OR2AJ1: variants seen among roughly 807,000 people sequenced by gnomAD.
The protein encoded by OR2AJ1 is olfactory receptor 2AJ1.
For missense variants in OR2AJ1, 280 were observed against 163.2 expected (o/e 1.72, Z -3.90); for synonymous variants, 105 against 60.3 (o/e 1.74, Z -3.44).
At chr1:247,927,066 A>G (rs1312358705) in intron 1 of OR2AJ1, among the ~76,000 whole-genome samples, 1 of 152,192 alleles carries the variant, frequency 6.6e-6, no homozygotes, top group Non-Finnish European at 1.5e-5. Context: ...ACAGAGAAAT[A>G]TTTGATCAGC....
chr1:247,926,203 G>T (rs1660089592), intron 1 of OR2AJ1, among the ~76,000 whole-genome samples: 1 of 151,874 alleles, frequency 6.6e-6, no homozygotes, highest in Non-Finnish European at 1.5e-5. Flanking sequence ...TTTTAGTTTT[G>T]ATTTAAATAT....
intron 1 of OR2AJ1, among the ~76,000 whole-genome samples, chr1:247,925,390 G>T (rs1660079456): frequency 6.6e-6 from 1 of 152,160 alleles, no homozygotes; most frequent in South Asian, 2.1e-4. Context: ...TCCTCTTTAA[G>T]AGAACAGGAA....
intron 1 of OR2AJ1, among the ~76,000 whole-genome samples, chr1:247,928,037 C>T (rs941113223): frequency 6.6e-6 from 1 of 152,096 alleles, no homozygotes; most frequent in African/African-American, 2.4e-5. Flanking sequence ...TGGATATATG[C>T]CCAGTAGTTG....
chr1:247,928,542 T>A (rs1660116653), intron 1 of OR2AJ1, among the ~76,000 whole-genome samples: 1 of 152,164 alleles, frequency 6.6e-6, no homozygotes, highest in Admixed American at 6.5e-5. Flanking sequence ...TCTTGTTGCC[T>A]GTGCCCTTGA....
chr1:247,933,648 G>T, intron 1 of OR2AJ1, 99 bp from the exon 2 acceptor site: 1 of 489,240 alleles, frequency 2.0e-6, no homozygotes, highest in Non-Finnish European at 3.6e-6. Flanking sequence ...TACAAAACAT[G>T]CATCACTAAC....
chr1:247,931,864 A>G (rs2103006428), intron 1 of OR2AJ1, among the ~76,000 whole-genome samples: 1 of 152,352 alleles, frequency 6.6e-6, no homozygotes, highest in African/African-American at 2.4e-5. Context: ...GAAGAATGAT[A>G]TAACTCCAGG....
At position 247,933,864 on chromosome 1, in the gene OR2AJ1, T is replaced by C. The variant is rs1660181131; in HGVS notation, c.96T>C (p.Phe32=). The C allele has an allele frequency of 1.4e-6, 1 of 692,194 alleles. No homozygotes were observed. Among genetic ancestry groups the C allele is most frequent in the Non-Finnish European group, 2.7e-6 (1 of 370,730 alleles). 42.9% of individuals were successfully genotyped at this position (692,194 alleles called of 1,614,324 possible). A position where few individuals can be genotyped will look rare whatever the true frequency, so the allele number is the denominator to read the frequency against. Residue 32 remains phenylalanine (F), a synonymous_variant, in exon 2 of 2, where the codon TTT becomes TTC. Coordinates refer to ENST00000318244, the MANE Select transcript of OR2AJ1 (RefSeq NM_001355235.2). ...GTGTGGTCTTCTTCTTAGTTTTATT[T>C]GTCATTTTCATTATGAGTGTAACAG... ...PTSVVFFLVL[F]VIFIMSVTEN... is the part of the protein sequence containing the mutation.
intron 1 of OR2AJ1, among the ~76,000 whole-genome samples, chr1:247,925,869 C>G (rs114566892): frequency 6.6e-6 from 1 of 152,136 alleles, no homozygotes; most frequent in Admixed American, 6.5e-5. Flanking sequence ...GGGTAGCAAA[C>G]GATTATCACA....
intron 1 of OR2AJ1, among the ~76,000 whole-genome samples, chr1:247,927,129 C>T (rs948978553): frequency 1.3e-5 from 2 of 152,182 alleles, no homozygotes; most frequent in Admixed American, 6.5e-5. Flanking sequence ...CTCACACTTG[C>T]TGGACTTTGC....
intron 1 of OR2AJ1, 119 bp from the exon 2 acceptor site, chr1:247,933,628 T>A (rs1022473566): frequency 2.1e-6 from 1 of 476,908 alleles, no homozygotes; most frequent in Non-Finnish European, 3.7e-6. Flanking sequence ...AAGAGTATTT[T>A]GATGTTGATT....
intron 1 of OR2AJ1, among the ~76,000 whole-genome samples, chr1:247,930,594 A>G (rs187191821): frequency 6.6e-6 from 1 of 152,362 alleles, no homozygotes; most frequent in Non-Finnish European, 1.5e-5. Flanking sequence ...GAATAAACAT[A>G]TGAACTCTGA....
intron 1 of OR2AJ1, among the ~76,000 whole-genome samples, chr1:247,927,192 A>G (rs148952176): frequency 1.3e-5 from 2 of 152,310 alleles, no homozygotes; most frequent in East Asian, 3.9e-4. Flanking sequence ...GCTAACTCCC[A>G]CACAAAAGAC....
intron 1 of OR2AJ1, among the ~76,000 whole-genome samples, chr1:247,932,754 T>G (rs909221710): frequency 7.2e-5 from 11 of 152,162 alleles, no homozygotes; most frequent in African/African-American, 2.7e-4. Flanking sequence ...AAAGTATATA[T>G]GTATGTATTT....
At chr1:247,932,361 A>G (rs1660163308) in intron 1 of OR2AJ1, among the ~76,000 whole-genome samples, 1 of 152,150 alleles carries the variant, frequency 6.6e-6, no homozygotes, top group Non-Finnish European at 1.5e-5. Context: ...AAACAAAACA[A>G]CAACATAAAA....
rs1466600787 is a variant in OR2AJ1, at chr1:247,934,093, G to A, written c.325G>A (p.Gly109Ser). The A allele has an allele frequency of 1.4e-6, 1 of 718,264 alleles. No individual in the cohort carries two copies. The highest frequency in any genetic ancestry group is 2.7e-5 in the East Asian group (1 of 37,304). 44.5% of individuals were successfully genotyped at this position (718,264 alleles called of 1,614,324 possible). A position where few individuals can be genotyped will look rare whatever the true frequency, so the allele number is the denominator to read the frequency against. Residue 109 changes from glycine to serine, a missense_variant, in exon 2 of 2, where the codon GGT (glycine) becomes AGT (serine). Coordinates refer to ENST00000318244, the MANE Select transcript of OR2AJ1 (RefSeq NM_001355235.2). ...FQVFLSLTLL[G>S]GECLLLAAMS... ...GGTATTTCTGTCCCTCACCCTCCTGGGTGGTGAGTGCCTTCTCCTGGCTGC... is the reference window on the plus strand; with the variant it reads ...GGTATTTCTGTCCCTCACCCTCCTGAGTGGTGAGTGCCTTCTCCTGGCTGC...
intron 1 of OR2AJ1, 36 bp from the exon 2 acceptor site, chr1:247,933,711 T>G (rs1660178294): frequency 1.8e-6 from 1 of 555,002 alleles, no homozygotes; most frequent in Admixed American, 3.6e-5. Context: ...TACACTAATA[T>G]TTTTTCTTTA....
rs1660196251 is a variant in OR2AJ1 at position 247,934,591 on chromosome 1, G to A, written c.823G>A (p.Ala275Thr). ...YHTPGQDKFL[A>T]IFYTILTPTL... ...CACTCCAGGCCAGGATAAGTTCCTG[G>A]CAATATTCTATACGATCCTCACACC... The change falls in exon 2 of 2, where the codon GCA (alanine) becomes ACA (threonine). Residue 275 changes from alanine (A) to threonine (T), a missense_variant. By Grantham distance (58) the Ala-to-Thr change is moderately conservative. Coordinates refer to ENST00000318244, the MANE Select transcript of OR2AJ1 (RefSeq NM_001355235.2). The A allele has an allele frequency of 2.8e-6, 2 of 717,804 alleles. No individual in the cohort carries two copies. Among genetic ancestry groups the A allele is most frequent in the Non-Finnish European group, 2.6e-6 (1 of 385,176 alleles). 44.5% of individuals were successfully genotyped at this position (717,804 alleles called of 1,614,324 possible).
chr1:247,930,446 G>A (rs1356468843), intron 1 of OR2AJ1, among the ~76,000 whole-genome samples: 3 of 152,168 alleles, frequency 2.0e-5, no homozygotes. Context: ...TTTGAGTGTA[G>A]TGGGTCAATG....
intron 1 of OR2AJ1, among the ~76,000 whole-genome samples, chr1:247,926,682 G>A (rs1420529038): frequency 1.3e-5 from 2 of 152,268 alleles, no homozygotes; most frequent in East Asian, 3.9e-4. Flanking sequence ...ACCAGACTTA[G>A]GTTTCCTTTG....
Sources: gnomAD v4.1 joint callset for allele counts (sites outside exome capture counted in the v4.1 genomes callset) on GRCh38, gnomAD v4.1.1 for gene constraint, MANE v1.5 for transcripts, NCBI Gene and HGNC (gene_info 2026-07-23, HGNC 2026-07-21) for gene names.